Variants in GRID1 observed in about 807,000 individuals in gnomAD.
The protein encoded by GRID1 is glutamate ionotropic receptor delta type subunit 1.
GRID1 carries 28 observed loss-of-function variants against 98.0 expected under a neutral mutation model. The ratio of observed to expected loss-of-function variants is 0.29; its 90% confidence interval spans 0.21 to 0.39. The LOEUF (loss-of-function observed/expected upper bound fraction) is 0.39. Ranked by LOEUF, GRID1 falls within the 10% of genes least tolerant of loss-of-function variation. The pLI is 1.00. For synonymous variants in GRID1, 553 were observed against 538.5 expected (o/e 1.03, Z -0.37); for missense variants, 1,111 against 1,340.5 (o/e 0.83, Z 2.67).
intron 5 of GRID1, among the ~76,000 whole-genome samples, chr10:85,907,424 T>A (rs977358903): frequency 6.6e-6 from 1 of 152,182 alleles, no homozygotes; most frequent in Non-Finnish European, 1.5e-5. Flanking sequence ...TACCTATAAA[T>A]TTGACAACTT....
At chr10:86,017,786 G>A (rs1378456714) in intron 4 of GRID1, among the ~76,000 whole-genome samples, 1 of 152,254 alleles carries the variant, frequency 6.6e-6, no homozygotes, top group African/African-American at 2.4e-5. Flanking sequence ...AGGTAGAAAA[G>A]CAGGTGTGGG....
At chr10:86,134,692 T>G (rs183949941) in intron 4 of GRID1, among the ~76,000 whole-genome samples, 3 of 152,218 alleles carry the variant, frequency 2.0e-5, no homozygotes, top group Admixed American at 1.3e-4. Flanking sequence ...CTGAATACAG[T>G]AGGGATCCCC....
intron 8 of GRID1, among the ~76,000 whole-genome samples, chr10:85,766,127 C>G (rs1304746652): frequency 6.6e-6 from 1 of 152,116 alleles, no homozygotes; most frequent in Non-Finnish European, 1.5e-5. Context: ...AAGTAAGAAG[C>G]CAGCCATGGA....
At chr10:86,034,858 A>G (rs977199320) in intron 4 of GRID1, among the ~76,000 whole-genome samples, 5 of 151,832 alleles carry the variant, frequency 3.3e-5, no homozygotes, top group African/African-American at 1.2e-4. Flanking sequence ...GGACAGATCA[A>G]TGGGTTGGTG....
intron 3 of GRID1, among the ~76,000 whole-genome samples, chr10:86,187,180 C>T (rs1228822234): frequency 5.3e-5 from 8 of 152,176 alleles, no homozygotes; most frequent in African/African-American, 1.7e-4. Context: ...GCTGTCTCTG[C>T]GACCTCAGAA....
At chr10:86,236,463 A>T (rs1315197611) in intron 2 of GRID1, among the ~76,000 whole-genome samples, 2 of 152,224 alleles carry the variant, frequency 1.3e-5, no homozygotes, top group African/African-American at 4.8e-5. Flanking sequence ...CACCACTACC[A>T]TCACTGTCCC....
chr10:85,729,297 G>T (rs1187692743), intron 9 of GRID1, among the ~76,000 whole-genome samples: 1 of 152,164 alleles, frequency 6.6e-6, no homozygotes, highest in African/African-American at 2.4e-5. Flanking sequence ...GCAGCTCAGG[G>T]ACTTCCTTTG....
At chr10:86,259,657 T>A (rs1379421437) in intron 2 of GRID1, among the ~76,000 whole-genome samples, 31 of 152,052 alleles carry the variant, frequency 2.0e-4, no homozygotes, top group Non-Finnish European at 7.3e-5. Context: ...ATAACACATG[T>A]CTGTGTGTGT....
intron 4 of GRID1, among the ~76,000 whole-genome samples, chr10:86,069,506 G>A (rs553592210): frequency 1.3e-5 from 2 of 152,266 alleles, no homozygotes; most frequent in East Asian, 1.9e-4. Flanking sequence ...AAATTGGCAC[G>A]GTGTGGTGGC....
intron 2 of GRID1, among the ~76,000 whole-genome samples, chr10:86,302,925 T>C (rs1428099954): frequency 6.6e-6 from 1 of 152,228 alleles, no homozygotes; most frequent in Non-Finnish European, 1.5e-5. Flanking sequence ...AGGTGATCTG[T>C]GTGCACACAC....
intron 12 of GRID1, among the ~76,000 whole-genome samples, chr10:85,660,403 C>A (rs1363268003): frequency 6.6e-6 from 1 of 152,194 alleles, no homozygotes; most frequent in Non-Finnish European, 1.5e-5. Context: ...GATACACCAC[C>A]ATGGAAAGGT....
At chr10:85,939,939 C>T (rs1278547092) in intron 4 of GRID1, among the ~76,000 whole-genome samples, 3 of 151,890 alleles carry the variant, frequency 2.0e-5, no homozygotes, top group Non-Finnish European at 4.4e-5. Flanking sequence ...TGGTGGTGCA[C>T]ACCTGTAATC....
intron 2 of GRID1, among the ~76,000 whole-genome samples, chr10:86,227,442 C>A (rs1225017516): frequency 1.3e-5 from 2 of 152,192 alleles, no homozygotes; most frequent in Non-Finnish European, 1.5e-5. Context: ...CTGCCTCCAG[C>A]CTTGCCTCTT....
chr10:85,897,014 T>C (rs562657012), intron 5 of GRID1, among the ~76,000 whole-genome samples: 1 of 152,336 alleles, frequency 6.6e-6, no homozygotes, highest in South Asian at 2.1e-4. Flanking sequence ...ACATGATAAA[T>C]TGTTAATGAT....
Position 86,095,227 on chromosome 10 carries a change from C to T in GRID1, c.726+43592G>A, listed in dbSNP as rs1204331644. On this transcript the variant is annotated intron_variant, in intron 4 of 15. Coordinates refer to ENST00000327946, the MANE Select transcript of GRID1 (RefSeq NM_017551.3). ...ACTCAAGATGGATTAAGGACTTAAA[C>T]CTAAGACCTGAAACTATAAAAATTC... 2.6e-5 allele frequency among the ~76,000 whole-genome samples: 4 copies of T among 152,104 alleles called. 1 individual carries two copies. Among genetic ancestry groups the T allele is most frequent in the Admixed American group, 1.3e-4 (2 of 15,268 alleles).
intron 4 of GRID1, among the ~76,000 whole-genome samples, chr10:85,994,570 G>T (rs1020897942): frequency 6.6e-6 from 1 of 152,186 alleles, no homozygotes; most frequent in African/African-American, 2.4e-5. Context: ...CTGAAATGAA[G>T]AAATAGAGGT....
intron 8 of GRID1, among the ~76,000 whole-genome samples, chr10:85,808,039 T>C (rs948390557): frequency 9.9e-5 from 15 of 152,100 alleles, no homozygotes; most frequent in African/African-American, 3.4e-4. Context: ...TTCAGGGAAA[T>C]GGCATGAATA....
intron 3 of GRID1, among the ~76,000 whole-genome samples, chr10:86,140,766 T>C (rs1844999743): frequency 1.3e-5 from 2 of 152,214 alleles, no homozygotes; most frequent in Admixed American, 6.5e-5. Context: ...AGGGGCTGTC[T>C]GTAAAATGGG....
chr10:86,125,739 C>T (rs1469261456), intron 4 of GRID1, among the ~76,000 whole-genome samples: 3 of 152,140 alleles, frequency 2.0e-5, no homozygotes, highest in African/African-American at 7.2e-5. Flanking sequence ...ACCCTTCCGC[C>T]TCTTCCTCAG....
Sources: allele counts gnomAD v4.1 joint callset (sites outside exome capture counted in the v4.1 genomes callset), GRCh38; gene constraint gnomAD v4.1.1; transcripts MANE v1.5; gene names NCBI Gene and HGNC (gene_info 2026-07-23, HGNC 2026-07-21).